Variants in PANK1 observed in about 807,000 individuals in gnomAD.
PANK1 encodes the protein pantothenic acid kinase 1.
In PANK1, 18 loss-of-function variants were observed where a neutral mutation model predicts 40.1. The observed-to-expected ratio is 0.45, with a 90% CI of 0.31 to 0.67. PANK1 has a LOEUF of 0.67. Ranked by LOEUF, PANK1 falls within the 30% of genes least tolerant of loss-of-function variation. The pLI is 0.06. For synonymous variants in PANK1, 242 were observed against 237.7 expected, an observed-to-expected ratio of 1.02 and a Z score of -0.17; for missense variants, 457 against 599.6, an observed-to-expected ratio of 0.76 and a Z score of 2.48.
At chr10:89,636,047 T>C (rs1052153767) in intron 1 of PANK1, among the ~76,000 whole-genome samples, 6 of 152,168 alleles carry the variant, frequency 3.9e-5, no homozygotes, top group African/African-American at 1.4e-4. Context: ...CTCTCACAGG[T>C]TGGTGTCAGG....
chr10:89,640,968 C>G (rs766956110), intron 1 of PANK1, among the ~76,000 whole-genome samples: 3 of 152,172 alleles, frequency 2.0e-5, no homozygotes, highest in Non-Finnish European at 4.4e-5. Flanking sequence ...TGATCCTTAA[C>G]CAGTTGGACA....
intron 1 of PANK1, among the ~76,000 whole-genome samples, chr10:89,623,184 C>T (rs559135105): frequency 2.0e-5 from 3 of 152,050 alleles, no homozygotes; most frequent in Non-Finnish European, 4.4e-5. Flanking sequence ...TTTTTTTCTT[C>T]CTCTGGCTTT....
chr10:89,612,672 C>G (rs1845196964), intron 1 of PANK1, among the ~76,000 whole-genome samples: 1 of 152,170 alleles, frequency 6.6e-6, no homozygotes, highest in African/African-American at 2.4e-5. Context: ...GATGAGCAGA[C>G]ATGAAATTCT....
In PANK1 at chr10:89,633,934, G is replaced by A. The variant is rs146144086; in HGVS notation, c.292+10666C>T. ...AATACAACCTGCACTGGGTCACATGGGTAGAATCTGGCAGGCAAGAATATT... is the reference window on the plus strand; with the variant it reads ...AATACAACCTGCACTGGGTCACATGAGTAGAATCTGGCAGGCAAGAATATT... On this transcript the variant is annotated intron_variant, in intron 1 of 6. Transcript: ENST00000307534. 1.2e-3 allele frequency among the ~76,000 whole-genome samples: 183 copies of A among 152,132 alleles called. 1 individual carries two copies. The highest frequency in any genetic ancestry group is 4.3e-3 in the African/African-American group (180 of 41,488).
chr10:89,593,311 G>A lies in PANK1; in HGVS notation c.1086C>T (p.Asn362=). 1.2e-6 allele frequency: 2 copies of A among 1,613,628 alleles called. No homozygotes were observed. The highest frequency in any genetic ancestry group is 1.1e-5 in the South Asian group (1 of 91,054). The change falls in exon 5 of 7, where the codon AAC becomes AAT. Residue 362 remains asparagine (N), a synonymous_variant. Coordinates refer to ENST00000307534, the MANE Select transcript of PANK1 (RefSeq NM_148977.3). The part of the protein sequence containing the change: ...QGSAVASSFG[N]MMSKEKRDSI... Reference sequence around the variant, plus strand: ...AATCTCGCTTTTCTTTACTCATCATGTTGCCAAAGCTATGTTGGAAATATC... The same window carrying A: ...AATCTCGCTTTTCTTTACTCATCATATTGCCAAAGCTATGTTGGAAATATC...
rs1841928016 is a variant in PANK1, at chr10:89,640,080, G to C, written c.292+4520C>G. The stretch of plus-strand genomic sequence containing the variant: ...TTGGCCCTGTCATTCACTGATAACA[G>C]GTCTTTGGACAGGTTGCTTTACTTC... On this transcript the variant is annotated intron_variant, in intron 1 of 6. Coordinates refer to ENST00000307534, the MANE Select transcript of PANK1 (RefSeq NM_148977.3). Among the ~76,000 whole-genome samples, 4 of 152,334 alleles carry C rather than the reference G, an allele frequency of 2.6e-5. No individual in the cohort carries two copies. The South Asian group carries it at 8.3e-4, about 32-fold the overall frequency.
At chr10:89,585,003 T>C (rs1220276271) in intron 6 of PANK1, among the ~76,000 whole-genome samples, 3 of 152,154 alleles carry the variant, frequency 2.0e-5, no homozygotes, top group Non-Finnish European at 4.4e-5. Context: ...CTAAAAAATA[T>C]AAATTTTTAG....
At chr10:89,586,697 T>C (rs990581215) in intron 6 of PANK1, among the ~76,000 whole-genome samples, 1 of 152,236 alleles carries the variant, frequency 6.6e-6, no homozygotes, top group African/African-American at 2.4e-5. Context: ...CTCAATGTTT[T>C]TCTGCTGCAG....
chr10:89,588,856 T>A, intron 5 of PANK1, 79 bp from the exon 6 acceptor site: 1 of 989,640 alleles, frequency 1.0e-6, no homozygotes, highest in Non-Finnish European at 1.5e-6. Context: ...TCTGTATGTC[T>A]CTGTACAGAA....
intron 1 of PANK1, among the ~76,000 whole-genome samples, chr10:89,618,240 C>T (rs921234829): frequency 1.3e-5 from 2 of 152,152 alleles, no homozygotes; most frequent in Non-Finnish European, 2.9e-5. Flanking sequence ...TGGGTATCTC[C>T]CATTCACCCC....
At chr10:89,587,638 G>A (rs376641343) in intron 6 of PANK1, among the ~76,000 whole-genome samples, 1 of 152,148 alleles carries the variant, frequency 6.6e-6, no homozygotes, top group East Asian at 1.9e-4. Flanking sequence ...ATAACTACAG[G>A]ACTCCAATCG....
Position 89,608,289 on chromosome 10 carries a change from C to A in PANK1, c.645+3407G>T, listed in dbSNP as rs927638055. Among the ~76,000 whole-genome samples, 3 of 152,152 alleles carry A rather than the reference C, an allele frequency of 2.0e-5. No individual in the cohort carries two copies. The South Asian group carries it at 6.2e-4, about 32-fold the overall frequency. On this transcript the variant is annotated intron_variant, in intron 2 of 6. Coordinates refer to ENST00000307534, the MANE Select transcript of PANK1 (RefSeq NM_148977.3). Reference sequence around the variant, plus strand: ...CTCGTGATCCACCCACCTCGGCCCCCCAAAGTGCTGGGATTACAGGCGTGA... The same window carrying A: ...CTCGTGATCCACCCACCTCGGCCCCACAAAGTGCTGGGATTACAGGCGTGA...
At chr10:89,593,694 T>TA in intron 4 of PANK1, 119 bp downstream of exon 4, 1 of 746,156 alleles carries the variant, frequency 1.3e-6, no homozygotes, top group Admixed American at 2.0e-5. Context: ...TGAGCTCTGA[T>TA]ACAACAGGTA....
At chr10:89,619,869 C>T (rs541162161) in intron 1 of PANK1, among the ~76,000 whole-genome samples, 38 of 152,250 alleles carry the variant, frequency 2.5e-4, no homozygotes, top group African/African-American at 3.6e-4. Context: ...ACTTCTGTTG[C>T]GGGAAGTCAG....
In PANK1 at chr10:89,584,202, C is replaced by A; in HGVS notation, c.*204G>T. The stretch of plus-strand genomic sequence containing the variant: ...AAAAATACAGTATACAGAAAAAAAA[C>A]CTTTTATATTCCCCCGTTTTGAATC... On this transcript the variant is annotated 3_prime_UTR_variant, in exon 7 of 7. Coordinates refer to ENST00000307534, the MANE Select transcript of PANK1 (RefSeq NM_148977.3). 1 of 491,226 alleles carries A rather than the reference C, an allele frequency of 2.0e-6. No homozygotes were observed. Among genetic ancestry groups the A allele is most frequent in the Non-Finnish European group, 3.6e-6 (1 of 274,360 alleles). The allele number at this position is 491,226 out of a possible 1,614,324, so 30.4% of individuals were successfully genotyped here.
chr10:89,621,996 G>A (rs916349383), intron 1 of PANK1, among the ~76,000 whole-genome samples: 3 of 152,216 alleles, frequency 2.0e-5, no homozygotes. Flanking sequence ...TTACAGGCAT[G>A]AGCCGCTGCA....
At chr10:89,622,866 T>C (rs937437227) in intron 1 of PANK1, among the ~76,000 whole-genome samples, 3 of 151,616 alleles carry the variant, frequency 2.0e-5, no homozygotes, top group African/African-American at 7.3e-5. Context: ...AACATTGAAG[T>C]TGTATTTATA....
intron 1 of PANK1, chr10:89,625,827 C>T (rs577063343): frequency 2.6e-5 from 4 of 152,094 alleles, no homozygotes; most frequent in Admixed American, 2.6e-4. Context: ...TGGATCTGGG[C>T]CAGGAGGAAG....
intron 3 of PANK1, among the ~76,000 whole-genome samples, chr10:89,595,441 C>T (rs910786508): frequency 3.3e-5 from 5 of 150,504 alleles, no homozygotes; most frequent in Admixed American, 6.6e-5. Context: ...ACAGACACAG[C>T]GAGACTCCAT....
Sources: allele counts gnomAD v4.1 joint callset (sites outside exome capture counted in the v4.1 genomes callset), GRCh38; gene constraint gnomAD v4.1.1; transcripts MANE v1.5; gene names NCBI Gene and HGNC (gene_info 2026-07-23, HGNC 2026-07-21).